Variants in ZDHHC14 observed in about 807,000 individuals in gnomAD.
ZDHHC14 encodes the protein palmitoyltransferase ZDHHC14.
A neutral mutation model predicts 47.7 loss-of-function variants in ZDHHC14; 16 were observed. The ratio of observed to expected loss-of-function variants is 0.34; its 90% CI spans 0.23 to 0.51. The LOEUF is 0.51. Among genes scored for constraint, ZDHHC14 ranks in the 20% least tolerant of loss-of-function variants. The pLI, the probability that ZDHHC14 is intolerant of heterozygous loss-of-function variation, is 0.97. For missense variants in ZDHHC14, 515 were observed against 662.5 expected (o/e 0.78, Z 2.44); for synonymous variants, 293 against 278.9 (o/e 1.05, Z -0.50).
chr6:157,619,388 C>T (rs1283808235), intron 3 of ZDHHC14, among the ~76,000 whole-genome samples: 1 of 152,224 alleles, frequency 6.6e-6, no homozygotes, highest in East Asian at 1.9e-4. Flanking sequence ...GAGACTCCAC[C>T]TCAAAAACAA....
chr6:157,388,708 C>T (rs892043352), intron 1 of ZDHHC14, among the ~76,000 whole-genome samples: 1 of 152,132 alleles, frequency 6.6e-6, no homozygotes, highest in Non-Finnish European at 1.5e-5. Context: ...TTCTACCTCC[C>T]CAATTTCCAT....
At position 157,458,346 on chromosome 6, in the gene ZDHHC14, T is replaced by C. The variant is rs566274367; in HGVS notation, c.245+76080T>C. Among the ~76,000 whole-genome samples the C allele has an allele frequency of 8.5e-5, 13 of 152,358 alleles. No individual in the cohort carries two copies. In the East Asian group the frequency reaches 2.5e-3, roughly 29 times the overall value. On this transcript the variant is annotated intron_variant, in intron 1 of 8. Transcript: ENST00000359775. ...GTGTTGCAGTTCGTTAGTATCTGTT[T>C]TTATTTAATGTTTGTGGATGGGCGG... is the stretch of plus-strand genomic sequence containing the variant.
chr6:157,593,071 C>T lies in ZDHHC14; in HGVS notation c.490C>T (p.Leu164Phe). The change falls in exon 3 of 9, where the codon CTT becomes TTT. Residue 164 changes from leucine to phenylalanine, a missense_variant. Coordinates refer to ENST00000359775, the MANE Select transcript of ZDHHC14 (RefSeq NM_024630.3). ...CATCATCAATGGCCAGACCGTGAAA[C>T]TTAAATACTGTTTCACCTGCAAGAT... ...EVIINGQTVK[L>F]KYCFTCKIFR... 6.2e-7 allele frequency: 1 copy of T among 1,614,218 alleles called. No homozygotes were observed. The highest frequency in any genetic ancestry group is 8.5e-7 in the Non-Finnish European group (1 of 1,180,030).
At chr6:157,465,661 T>C (rs1376017733) in intron 1 of ZDHHC14, among the ~76,000 whole-genome samples, 1 of 151,770 alleles carries the variant, frequency 6.6e-6, no homozygotes, top group Non-Finnish European at 1.5e-5. Flanking sequence ...GAGGCTCTCG[T>C]TAAAATGTCA....
At chr6:157,469,509 T>C (rs539681977) in intron 1 of ZDHHC14, among the ~76,000 whole-genome samples, 2 of 152,338 alleles carry the variant, frequency 1.3e-5, no homozygotes, top group East Asian at 3.9e-4. Context: ...TATGCTGTGG[T>C]TACAAACAAC....
In ZDHHC14 at chr6:157,556,707, G is replaced by A. The variant is rs570662165; in HGVS notation, c.406+13962G>A. Among the ~76,000 whole-genome samples, 346 of 137,054 alleles carry A rather than the reference G, an allele frequency of 2.5e-3. 1 individual carries two copies. The highest frequency in any genetic ancestry group is 4.4e-3 in the Non-Finnish European group (276 of 62,934). 89.9% of individuals were successfully genotyped at this position (137,054 alleles called of 152,430 possible). On this transcript the variant is annotated intron_variant, in intron 2 of 8. Transcript: ENST00000359775. Reference sequence around the variant, plus strand: ...ATGGAGTCCAGGGAGACAGCTCAGAGCCGAGGCCCCGGGGCTGGAACAGGG... The same window carrying A: ...ATGGAGTCCAGGGAGACAGCTCAGAACCGAGGCCCCGGGGCTGGAACAGGG...
chr6:157,419,374 T>C (rs1356983559), intron 1 of ZDHHC14, among the ~76,000 whole-genome samples: 1 of 152,236 alleles, frequency 6.6e-6, no homozygotes, highest in Non-Finnish European at 1.5e-5. Context: ...AAGGCTATTT[T>C]GTATGATACT....
At chr6:157,577,606 A>T (rs1257183515) in intron 2 of ZDHHC14, among the ~76,000 whole-genome samples, 1 of 152,144 alleles carries the variant, frequency 6.6e-6, no homozygotes, top group Non-Finnish European at 1.5e-5. Flanking sequence ...CTGGAGCTCA[A>T]TGGCATGATC....
chr6:157,426,670 A>T (rs2114776187), intron 1 of ZDHHC14, among the ~76,000 whole-genome samples: 1 of 152,240 alleles, frequency 6.6e-6, no homozygotes, highest in South Asian at 2.1e-4. Context: ...AGCCGATCAG[A>T]AGGGGATGCT....
At chr6:157,547,808 G>T (rs887676032) in intron 2 of ZDHHC14, among the ~76,000 whole-genome samples, 1 of 148,610 alleles carries the variant, frequency 6.7e-6, no homozygotes, top group East Asian at 2.0e-4. Context: ...ATTTTTTATA[G>T]AACTATTATT....
intron 2 of ZDHHC14, among the ~76,000 whole-genome samples, chr6:157,579,190 G>GGTT (rs1344124667): frequency 7.8e-5 from 5 of 63,944 alleles, no homozygotes; most frequent in Non-Finnish European, 1.5e-4. Context: ...TTGATTCTGT[G>GGTT]TTTTTTTTTT....
At chr6:157,618,446 T>C (rs569029616) in intron 3 of ZDHHC14, among the ~76,000 whole-genome samples, 1 of 152,194 alleles carries the variant, frequency 6.6e-6, no homozygotes, top group East Asian at 1.9e-4. Flanking sequence ...CTTGGCCTCT[T>C]GAGTAGCTGG....
At chr6:157,652,533 A>G (rs1777886576) in intron 7 of ZDHHC14, among the ~76,000 whole-genome samples, 1 of 152,074 alleles carries the variant, frequency 6.6e-6, no homozygotes. Context: ...GTCAATGCTG[A>G]GCCTTCACTG....
At chr6:157,599,367 T>A (rs1034427295) in intron 3 of ZDHHC14, among the ~76,000 whole-genome samples, 1 of 152,204 alleles carries the variant, frequency 6.6e-6, no homozygotes, top group Non-Finnish European at 1.5e-5. Flanking sequence ...CTGAGTTCCC[T>A]CTGCTGCAGC....
chr6:157,510,019 T>C (rs974707851), intron 1 of ZDHHC14, among the ~76,000 whole-genome samples: 36 of 152,172 alleles, frequency 2.4e-4, no homozygotes, highest in African/African-American at 8.4e-4. Flanking sequence ...CTAAGGCGGG[T>C]GGATCACCCA....
intron 5 of ZDHHC14, among the ~76,000 whole-genome samples, chr6:157,645,039 A>G (rs956785675): frequency 6.6e-6 from 1 of 151,962 alleles, no homozygotes; most frequent in Non-Finnish European, 1.5e-5. Context: ...CCAGCTGCCT[A>G]TCAAGCAGCT....
At chr6:157,426,751 G>T (rs369257295) in intron 1 of ZDHHC14, among the ~76,000 whole-genome samples, 3 of 152,332 alleles carry the variant, frequency 2.0e-5, no homozygotes. Context: ...CACTAGGAGG[G>T]AGTCAGGCCA....
chr6:157,558,497 T>C (rs1431708435), intron 2 of ZDHHC14, among the ~76,000 whole-genome samples: 3 of 152,142 alleles, frequency 2.0e-5, no homozygotes, highest in Admixed American at 6.5e-5. Context: ...AAAACAAAAC[T>C]AATGACTCTG....
chr6:157,629,422 C>T lies in ZDHHC14; in HGVS notation c.703+936C>T, dbSNP rs373598156. On this transcript the variant is annotated intron_variant, in intron 4 of 8. Coordinates refer to ENST00000359775, the MANE Select transcript of ZDHHC14 (RefSeq NM_024630.3). ...CGTAAGTATCTGCACAACGGCTTCA[C>T]TTCCTTCCCAGGCCGCGGTGCTCAA... The T allele has an allele frequency of 7.2e-4, 109 of 152,334 alleles. 1 individual carries two copies. The highest frequency in any genetic ancestry group is 2.5e-3 in the African/African-American group (105 of 41,566). The allele number at this position is 152,334 out of a possible 1,614,324, so 9.4% of individuals were successfully genotyped here. A position where few individuals can be genotyped will look rare whatever the true frequency, so the allele number is the denominator to read the frequency against.
Sources: allele counts gnomAD v4.1 joint callset (sites outside exome capture counted in the v4.1 genomes callset), GRCh38; gene constraint gnomAD v4.1.1; transcripts MANE v1.5; gene names NCBI Gene and HGNC (gene_info 2026-07-23, HGNC 2026-07-21).